The following HSD17B4 variants were observed in gnomAD, a reference collection of about 807,000 sequenced individuals.
HSD17B4 encodes peroxisomal multifunctional enzyme type 2.
A neutral mutation model predicts 101.0 loss-of-function variants in HSD17B4; 70 were observed. That is an observed-to-expected ratio of 0.69 (90% CI 0.57 to 0.85). HSD17B4 has a LOEUF of 0.85. Among genes scored for constraint, HSD17B4 ranks in the 40% least tolerant of loss-of-function variants. The probability of loss-of-function intolerance (pLI) is 0.00; values close to 1 mark genes in which losing one functional copy is unlikely to be tolerated. For synonymous variants in HSD17B4, 347 were observed against 297.1 expected, an observed-to-expected ratio of 1.17 and a Z score of -1.73; for missense variants, 984 against 892.4, an observed-to-expected ratio of 1.10 and a Z score of -1.31.
intron 17 of HSD17B4, among the ~76,000 whole-genome samples, chr5:119,522,587 T>A (rs1405824408): frequency 6.6e-6 from 1 of 152,190 alleles, no homozygotes; most frequent in Admixed American, 6.5e-5. Context: ...GTTTCCAAGA[T>A]TCTTAGTTCA....
chr5:119,512,336 G>T (rs894007412), intron 16 of HSD17B4, among the ~76,000 whole-genome samples: 1 of 152,072 alleles, frequency 6.6e-6, no homozygotes, highest in African/African-American at 2.4e-5. Flanking sequence ...ATACATCCAA[G>T]AAGCTCAGTC....
At chr5:119,465,441 T>C (rs541678012) in intron 2 of HSD17B4, among the ~76,000 whole-genome samples, 77 of 152,344 alleles carry the variant, frequency 5.1e-4, no homozygotes, top group African/African-American at 1.8e-3. Context: ...GCTGCCACTC[T>C]TGCCATTGTG....
chr5:119,473,274 T>C (rs1205357763), intron 2 of HSD17B4, among the ~76,000 whole-genome samples: 2 of 14,964 alleles, frequency 1.3e-4, no homozygotes, highest in African/African-American at 3.4e-4. Flanking sequence ...TGGATGAATC[T>C]TTTTTTTTTT....
At chr5:119,476,653 C>T (rs1748611846) in intron 6 of HSD17B4, 4 of 985,246 alleles carry the variant, frequency 4.1e-6, no homozygotes, top group South Asian at 4.7e-5. Context: ...AAAAAAGAAG[C>T]TGAGAAAGAT....
intron 2 of HSD17B4, among the ~76,000 whole-genome samples, chr5:119,458,896 A>G (rs1419350035): frequency 6.6e-6 from 1 of 152,234 alleles, no homozygotes; most frequent in Non-Finnish European, 1.5e-5. Context: ...TAGGTGAGCT[A>G]TATCTAGTTC....
rs776519991 is a variant in HSD17B4 at position 119,531,382 on chromosome 5, C to T, written c.1971C>T (p.Gly657=). ...TATTTGAGTGGCATATAACCAAAGG[C>T]GGAAATATTGGGGCTAAGTGGAGTA... is the stretch of plus-strand genomic sequence containing the variant. ...NAVFEWHITK[G]GNIGAKWTID... The change falls in exon 22 of 24, where the codon GGC becomes GGT. Residue 657 remains glycine, a synonymous_variant. Coordinates refer to ENST00000510025, the MANE Select transcript of HSD17B4 (RefSeq NM_000414.4). 3.0e-5 allele frequency: 48 copies of T among 1,613,174 alleles called. No individual in the cohort carries two copies. The highest frequency in any genetic ancestry group is 8.9e-5 in the East Asian group (4 of 44,872).
chr5:119,474,112 T>G, intron 3 of HSD17B4, 97 bp downstream of exon 3: 2 of 787,556 alleles, frequency 2.5e-6, no homozygotes, highest in Non-Finnish European at 4.3e-6. Context: ...TATTCCAGTA[T>G]AATTATGATT....
chr5:119,516,203 C>G (rs1428526111), intron 17 of HSD17B4, among the ~76,000 whole-genome samples: 4 of 151,964 alleles, frequency 2.6e-5, no homozygotes, highest in Admixed American at 2.0e-4. Flanking sequence ...TTTTTTCCAT[C>G]CATTACTGTT....
At chr5:119,512,501 C>T (rs1373223432) in intron 16 of HSD17B4, among the ~76,000 whole-genome samples, 2 of 151,766 alleles carry the variant, frequency 1.3e-5, no homozygotes, top group Non-Finnish European at 2.9e-5. Context: ...TGACCTCTGA[C>T]TTCTCATCAG....
intron 17 of HSD17B4, among the ~76,000 whole-genome samples, chr5:119,521,918 G>GT (rs1385524333): frequency 6.1e-5 from 9 of 147,586 alleles, no homozygotes; most frequent in African/African-American, 2.2e-4. Context: ...TTTCAGTTTT[G>GT]GTTTTTTTTT....
At chr5:119,490,517 A>G (rs1389217524) in intron 9 of HSD17B4, among the ~76,000 whole-genome samples, 2 of 152,088 alleles carry the variant, frequency 1.3e-5, no homozygotes, top group Non-Finnish European at 2.9e-5. Context: ...TAGTATGAAT[A>G]TTTTTATGTT....
chr5:119,528,548 A>C (rs1296234126), intron 20 of HSD17B4, among the ~76,000 whole-genome samples: 1 of 152,150 alleles, frequency 6.6e-6, no homozygotes, highest in Non-Finnish European at 1.5e-5. Flanking sequence ...TTTGCAGCTA[A>C]TATCTGTGCC....
chr5:119,476,335 A>G (rs1049779567), intron 6 of HSD17B4: 5 of 156,142 alleles, frequency 3.2e-5, no homozygotes, highest in Admixed American at 1.9e-4. Flanking sequence ...AGTAAATAGG[A>G]AAGTTTTCCA....
chr5:119,525,603 G>T (rs1383459146), intron 18 of HSD17B4: 1 of 516,144 alleles, frequency 1.9e-6, no homozygotes, highest in Non-Finnish European at 3.5e-6. Flanking sequence ...GTTAGGGAAG[G>T]ATCATGTACC....
At chr5:119,512,420 C>T (rs375337274) in intron 16 of HSD17B4, among the ~76,000 whole-genome samples, 5 of 151,838 alleles carry the variant, frequency 3.3e-5, no homozygotes, top group Non-Finnish European at 7.4e-5. Flanking sequence ...AAGCCAGAAA[C>T]GAAAAGGTTG....
At chr5:119,492,289 G>A in intron 10 of HSD17B4, 165 bp downstream of exon 10, 1 of 681,082 alleles carries the variant, frequency 1.5e-6, no homozygotes. Context: ...TTTAAACATT[G>A]TGATTGTCCT....
chr5:119,539,970 G>A (rs2126927652), intron 23 of HSD17B4, among the ~76,000 whole-genome samples: 1 of 150,042 alleles, frequency 6.7e-6, no homozygotes, highest in South Asian at 2.1e-4. Context: ...GCACACACCT[G>A]TAGTCCCAGC....
intron 11 of HSD17B4, 54 bp downstream of exon 11, chr5:119,494,000 A>G (rs1750364624): frequency 1.4e-5 from 23 of 1,586,876 alleles, no homozygotes; most frequent in Non-Finnish European, 1.8e-5. Context: ...GGCAGCAAGC[A>G]TTTTCTTCTC....
In HSD17B4 at chr5:119,515,172, A is replaced by G. The variant is rs1752506677; in HGVS notation, c.1503+126A>G. 5.7e-5 allele frequency: 38 copies of G among 669,558 alleles called. 2 individuals carry two copies. In the South Asian group the frequency reaches 6.4e-4, roughly 11 times the overall value. 41.5% of individuals were successfully genotyped at this position (669,558 alleles called of 1,614,324 possible). ...GAATAATATGTTATTATTCAACATA[A>G]TAAACATACAGACATGTTTCCTGTG... is the stretch of plus-strand genomic sequence containing the variant. On this transcript the variant is annotated intron_variant, in intron 17 of 23. Coordinates refer to ENST00000510025, the MANE Select transcript of HSD17B4 (RefSeq NM_000414.4).
Sources: gnomAD v4.1 joint callset for allele counts (sites outside exome capture counted in the v4.1 genomes callset) on GRCh38, gnomAD v4.1.1 for gene constraint, MANE v1.5 for transcripts, NCBI Gene and HGNC (gene_info 2026-07-23, HGNC 2026-07-21) for gene names.